PCM1: variants seen among roughly 807,000 people sequenced by gnomAD.
The protein encoded by PCM1 is pericentriolar material 1 protein.
A neutral mutation model predicts 241.9 loss-of-function variants in PCM1; 157 were observed. The ratio of observed to expected loss-of-function variants is 0.65; its 90% CI spans 0.57 to 0.74. The LOEUF (loss-of-function observed/expected upper bound fraction) is 0.74, where lower values mean the gene tolerates loss of function less well. Ranked by LOEUF, PCM1 falls within the 30% of genes least tolerant of loss-of-function variation. The probability of loss-of-function intolerance (pLI) is 0.00; values close to 1 mark genes in which losing one functional copy is unlikely to be tolerated. For missense variants in PCM1, 3,478 were observed against 2,360.1 expected, an observed-to-expected ratio of 1.47 and a Z score of -9.81; for synonymous variants, 1,085 against 784.9, an observed-to-expected ratio of 1.38 and a Z score of -6.39.
At chr8:17,994,291 T>A (rs1043038285) in intron 29 of PCM1, among the ~76,000 whole-genome samples, 1 of 152,218 alleles carries the variant, frequency 6.6e-6, no homozygotes, top group African/African-American at 2.4e-5. Context: ...GAAGTTTGTC[T>A]TTCTGTGCCT....
chr8:17,947,214 A>G lies in PCM1; in HGVS notation c.812A>G (p.Glu271Gly), dbSNP rs1202748818. 2 of 1,609,326 alleles carry G rather than the reference A, an allele frequency of 1.2e-6. No homozygotes were observed. Among genetic ancestry groups the G allele is most frequent in the Non-Finnish European group, 8.5e-7 (1 of 1,176,608 alleles). Residue 271 changes from glutamate (E) to glycine (G), a missense_variant, in exon 7 of 39, where the codon GAA (glutamate) becomes GGA (glycine). Transcript: ENST00000325083. The part of the protein sequence containing the change: ...LARDPQQEPM[E>G]EIENLKKQHD... ...AGAGATCCTCAGCAGGAGCCTATGG[A>G]AGAGATAGAAAATTTGAAGAAACAA...
At chr8:17,931,681 A>C (rs2059083672) in intron 2 of PCM1, among the ~76,000 whole-genome samples, 1 of 152,148 alleles carries the variant, frequency 6.6e-6, no homozygotes, top group Admixed American at 6.5e-5. Context: ...TTTCCCTTCC[A>C]ATTTACGTTT....
chr8:17,993,770 T>G (rs1047948127), intron 29 of PCM1, among the ~76,000 whole-genome samples, 151 bp downstream of exon 29: 5 of 152,226 alleles, frequency 3.3e-5, no homozygotes, highest in Non-Finnish European at 5.9e-5. Flanking sequence ...CAACATTCTC[T>G]GAACCTTTCA....
chr8:17,969,450 T>C, intron 21 of PCM1, 127 bp from the exon 22 acceptor site: 1 of 698,682 alleles, frequency 1.4e-6, no homozygotes, highest in Non-Finnish European at 2.3e-6. Flanking sequence ...TAGCTTTTTT[T>C]TTTAATTAAC....
At chr8:17,943,276 A>G (rs926839191) in intron 6 of PCM1, among the ~76,000 whole-genome samples, 2 of 151,776 alleles carry the variant, frequency 1.3e-5, no homozygotes, top group South Asian at 2.1e-4. Flanking sequence ...GGTTCCTACA[A>G]GAATTTGAGA....
intron 7 of PCM1, among the ~76,000 whole-genome samples, chr8:17,950,076 C>A (rs547192423): frequency 6.0e-4 from 91 of 152,272 alleles, no homozygotes; most frequent in African/African-American, 2.1e-3. Context: ...GGAACACAGC[C>A]ATGCCCTTTT....
intron 5 of PCM1, 30 bp from the exon 6 acceptor site, chr8:17,939,661 C>CT (rs750509271): frequency 2.4e-4 from 335 of 1,396,256 alleles, no homozygotes; most frequent in Non-Finnish European, 2.9e-4. Context: ...TACTTTCATG[C>CT]TTTTTTTAAA....
chr8:18,003,505 A>T (rs1366925632), intron 29 of PCM1, among the ~76,000 whole-genome samples: 1 of 152,074 alleles, frequency 6.6e-6, no homozygotes, highest in Non-Finnish European at 1.5e-5. Context: ...AGCCAGCCCA[A>T]ATGTTATTGC....
At chr8:17,976,777 C>CAGG (rs1414285296) in intron 23 of PCM1, among the ~76,000 whole-genome samples, 1 of 151,540 alleles carries the variant, frequency 6.6e-6, no homozygotes, top group Non-Finnish European at 1.5e-5. Context: ...TAGGCGATAA[C>CAGG]ATCCTTATCT....
At chr8:17,957,508 T>G (rs577310830) in intron 12 of PCM1, 32 bp from the exon 13 acceptor site, 1 of 1,603,500 alleles carries the variant, frequency 6.2e-7, no homozygotes, top group African/African-American at 1.3e-5. Flanking sequence ...CCTTTAAAAG[T>G]TACTGGTTTT....
At chr8:17,947,675 T>C (rs1202024183) in intron 7 of PCM1, among the ~76,000 whole-genome samples, 1 of 152,220 alleles carries the variant, frequency 6.6e-6, no homozygotes, top group Non-Finnish European at 1.5e-5. Flanking sequence ...ATGATGCGTT[T>C]ATTTCCTTTT....
chr8:17,964,745 C>T lies in PCM1; in HGVS notation c.2832C>T (p.Tyr944=). Residue 944 remains tyrosine (Y), a synonymous_variant, in exon 18 of 39, where the codon TAC becomes TAT. Coordinates refer to ENST00000325083, the MANE Select transcript of PCM1 (RefSeq NM_006197.4). ...CTAACAGTGTGAATCATAACTCCTA[C>T]AATGGAAAGGAAACTAAAAATAGGT... The part of the protein sequence containing the change: ...CPSNSVNHNS[Y]NGKETKNRWK... 1.2e-6 allele frequency: 2 copies of T among 1,613,178 alleles called. No individual in the cohort carries two copies. Among genetic ancestry groups the T allele is most frequent in the Admixed American group, 1.7e-5 (1 of 60,020 alleles).
chr8:17,949,772 C>G (rs1365313025), intron 7 of PCM1, among the ~76,000 whole-genome samples: 2 of 152,172 alleles, frequency 1.3e-5, no homozygotes, highest in Non-Finnish European at 2.9e-5. Context: ...GTTGGAATTA[C>G]AGGTGTGAGA....
rs1050617957 is a variant in PCM1 at position 17,957,340 on chromosome 8, G to A, written c.1723G>A (p.Gly575Arg). Residue 575 changes from glycine (G) to arginine (R), a missense_variant, in exon 12 of 39, where the codon GGG (glycine) becomes AGG (arginine). Coordinates refer to ENST00000325083, the MANE Select transcript of PCM1 (RefSeq NM_006197.4). ...NAQCVSNNRD[G>R]RTVNSNCEIN... is the part of the protein sequence containing the mutation. ...ACAGTGTGTTTCTAATAATAGAGAT[G>A]GGCGAACAGTTAATTCTAATTGTGA... 6.2e-7 allele frequency: 1 copy of A among 1,611,038 alleles called. No individual in the cohort carries two copies. Among genetic ancestry groups the A allele is most frequent in the African/African-American group, 1.3e-5 (1 of 74,986 alleles).
chr8:17,946,144 AT>A (rs1340156979), intron 6 of PCM1, among the ~76,000 whole-genome samples: 1 of 152,036 alleles, frequency 6.6e-6, no homozygotes, highest in African/African-American at 2.4e-5. Context: ...AAATTTCATC[AT>A]TTTTTGTAAG....
chr8:17,963,732 CCATATTTAGAATATTTCTAAAAGAGT>C (rs2073607997), intron 17 of PCM1, among the ~76,000 whole-genome samples: 1 of 152,026 alleles, frequency 6.6e-6, no homozygotes, highest in South Asian at 2.1e-4. Context: ...TTTAAAATGT[CCATATTTAGAATATTTCTAAAAGAGT>C]TGGTCATCTA....
chr8:17,946,800 G>A (rs777814027), intron 6 of PCM1, among the ~76,000 whole-genome samples: 7 of 151,216 alleles, frequency 4.6e-5, no homozygotes, highest in Admixed American at 2.0e-4. Flanking sequence ...CCAGTATAAT[G>A]TGCTCCTTTT....
chr8:17,947,466 CTAGTT>C, intron 7 of PCM1, 103 bp downstream of exon 7: 2 of 874,502 alleles, frequency 2.3e-6, no homozygotes, highest in Non-Finnish European at 3.5e-6. Flanking sequence ...TGATTGTTGT[CTAGTT>C]TAGAAACCTT....
chr8:18,001,754 T>C (rs2089502801), intron 29 of PCM1, among the ~76,000 whole-genome samples: 1 of 152,176 alleles, frequency 6.6e-6, no homozygotes, highest in South Asian at 2.1e-4. Flanking sequence ...ATTGTGCTCA[T>C]ATTTCTTCCC....
Sources: allele counts gnomAD v4.1 joint callset (sites outside exome capture counted in the v4.1 genomes callset), GRCh38; gene constraint gnomAD v4.1.1; transcripts MANE v1.5; gene names NCBI Gene and HGNC (gene_info 2026-07-23, HGNC 2026-07-21).